The following NELL1 variants were observed in gnomAD, a reference collection of about 807,000 sequenced individuals.
NELL1 encodes protein kinase C-binding protein NELL1.
Under a neutral mutation model 107.4 loss-of-function variants are expected in NELL1, and 76 were observed. That is an observed-to-expected ratio of 0.71 (90% CI 0.59 to 0.86). The LOEUF is 0.86. Among genes scored for constraint, NELL1 ranks in the 40% least tolerant of loss-of-function variants. The probability of loss-of-function intolerance (pLI) is 0.00; values close to 1 mark genes in which losing one functional copy is unlikely to be tolerated. For synonymous variants in NELL1, 353 were observed against 341.2 expected, an observed-to-expected ratio of 1.03 and a Z score of -0.38; for missense variants, 1,024 against 1,005.5, an observed-to-expected ratio of 1.02 and a Z score of -0.25.
chr11:21,433,181 G>T (rs1853012079), intron 15 of NELL1, among the ~76,000 whole-genome samples: 1 of 151,998 alleles, frequency 6.6e-6, no homozygotes, highest in East Asian at 1.9e-4. Flanking sequence ...TATTCTCTAG[G>T]CTCATCCATA....
At chr11:21,386,720 A>G (rs144863040) in intron 15 of NELL1, among the ~76,000 whole-genome samples, 2 of 152,052 alleles carry the variant, frequency 1.3e-5, no homozygotes, top group East Asian at 3.9e-4. Context: ...GTCTCCAGCT[A>G]TGTGGAAATA....
intron 12 of NELL1, among the ~76,000 whole-genome samples, chr11:21,033,712 G>C (rs1382832099): frequency 6.6e-6 from 1 of 152,070 alleles, no homozygotes; most frequent in African/African-American, 2.4e-5. Context: ...ACACGTGCAT[G>C]TGTCTTTAAT....
chr11:21,147,508 A>G (rs139760312), intron 13 of NELL1, among the ~76,000 whole-genome samples: 1 of 152,232 alleles, frequency 6.6e-6, no homozygotes, highest in Non-Finnish European at 1.5e-5. Flanking sequence ...TGCTGTCATA[A>G]GTGGCTCTGC....
At chr11:20,912,309 T>C (rs1421375160) in intron 5 of NELL1, among the ~76,000 whole-genome samples, 5 of 152,092 alleles carry the variant, frequency 3.3e-5, no homozygotes, top group Non-Finnish European at 7.4e-5. Context: ...GAACACAAGC[T>C]GGGAATTTTT....
chr11:21,272,833 G>C (rs975006895), intron 14 of NELL1, among the ~76,000 whole-genome samples: 5 of 152,216 alleles, frequency 3.3e-5, no homozygotes, highest in African/African-American at 1.2e-4. Context: ...CAGACCTGCA[G>C]CTGAGGTTCC....
chr11:21,077,745 G>GAAA (rs11381496), intron 12 of NELL1, among the ~76,000 whole-genome samples: 3 of 137,608 alleles, frequency 2.2e-5, no homozygotes, highest in Admixed American at 7.3e-5. Context: ...TCTGTCTCAG[G>GAAA]AAAAAAAAAA....
intron 14 of NELL1, among the ~76,000 whole-genome samples, chr11:21,315,045 T>C (rs935919358): frequency 1.3e-5 from 2 of 152,012 alleles, no homozygotes; most frequent in Non-Finnish European, 2.9e-5. Context: ...TTAGTAGAGT[T>C]GGCGTGTCTC....
At chr11:20,692,235 G>A (rs1854486937) in intron 2 of NELL1, among the ~76,000 whole-genome samples, 2 of 151,336 alleles carry the variant, frequency 1.3e-5, no homozygotes, top group South Asian at 4.2e-4. Context: ...CAAAAAACCA[G>A]CTCCTGGATT....
In NELL1 at chr11:20,678,010, T is replaced by C. The variant is rs773928818; in HGVS notation, c.134T>C (p.Val45Ala). The change falls in exon 2 of 20, where the codon GTT becomes GCT. Residue 45 changes from valine to alanine, a missense_variant. By Grantham distance (64) the Val-to-Ala change is moderately conservative (BLOSUM62 0). Transcript: ENST00000357134. ...ELDLVNTTLG[V>A]AQVSGMHNAS... ...GACCTTGTGAACACCACCCTTGGAG[T>C]TGCTCAGGTGTCTGGAATGCACAAT... The C allele has an allele frequency of 3.7e-6, 6 of 1,614,050 alleles. No homozygotes were observed. The highest frequency in any genetic ancestry group is 1.1e-5 in the South Asian group (1 of 91,068).
chr11:21,326,893 G>T (rs1387715233), intron 14 of NELL1, among the ~76,000 whole-genome samples: 1 of 151,838 alleles, frequency 6.6e-6, no homozygotes, highest in South Asian at 2.1e-4. Context: ...AGTTGGATTG[G>T]ATTTATGCCT....
chr11:21,225,821 C>T (rs1857879002), intron 13 of NELL1, among the ~76,000 whole-genome samples: 1 of 152,200 alleles, frequency 6.6e-6, no homozygotes, highest in Non-Finnish European at 1.5e-5. Context: ...CCAGCTGTAA[C>T]ATGCTGTCAT....
intron 13 of NELL1, among the ~76,000 whole-genome samples, chr11:21,154,969 G>C (rs1281595419): frequency 6.6e-6 from 1 of 152,118 alleles, no homozygotes; most frequent in African/African-American, 2.4e-5. Flanking sequence ...GTTGGTCTAG[G>C]GTTTTTTGTG....
intron 3 of NELL1, among the ~76,000 whole-genome samples, chr11:20,806,203 T>A (rs1317717682): frequency 6.6e-6 from 1 of 151,658 alleles, no homozygotes; most frequent in East Asian, 1.9e-4. Flanking sequence ...ATGAAGTCCC[T>A]CAGTGTTTAT....
chr11:21,239,553 C>T (rs1188886583), intron 14 of NELL1, among the ~76,000 whole-genome samples: 1 of 152,026 alleles, frequency 6.6e-6, no homozygotes, highest in Non-Finnish European at 1.5e-5. Context: ...CCTGAAGCAG[C>T]ATGGAATACA....
At chr11:21,487,610 A>G (rs1271270392) in intron 15 of NELL1, among the ~76,000 whole-genome samples, 1 of 113,354 alleles carries the variant, frequency 8.8e-6, no homozygotes, top group Non-Finnish European at 1.8e-5. Flanking sequence ...ATAATAAGAT[A>G]AAAAGAAATG....
intron 12 of NELL1, among the ~76,000 whole-genome samples, chr11:20,976,527 TAAGAA>T (rs1345775238): frequency 2.0e-5 from 3 of 152,250 alleles, no homozygotes; most frequent in South Asian, 2.1e-4. Context: ...CCATTTTTCC[TAAGAA>T]GAGAGGGAAA....
intron 13 of NELL1, among the ~76,000 whole-genome samples, chr11:21,150,563 G>A (rs1856091896): frequency 1.3e-5 from 2 of 152,140 alleles, no homozygotes; most frequent in African/African-American, 2.4e-5. Context: ...CGCACTGGTT[G>A]GTTAATGCCG....
At chr11:21,108,460 A>C (rs1855023088) in intron 12 of NELL1, among the ~76,000 whole-genome samples, 1 of 152,164 alleles carries the variant, frequency 6.6e-6, no homozygotes, top group Non-Finnish European at 1.5e-5. Context: ...ATGTATTTTT[A>C]TTACCTCAAA....
At chr11:21,269,017 C>CT (rs757962787) in intron 14 of NELL1, among the ~76,000 whole-genome samples, 47 of 151,922 alleles carry the variant, frequency 3.1e-4, no homozygotes, top group South Asian at 1.0e-3. Context: ...TGAAAAATGC[C>CT]TTTTTTGTGC....
Sources: allele counts gnomAD v4.1 joint callset (sites outside exome capture counted in the v4.1 genomes callset), GRCh38; gene constraint gnomAD v4.1.1; transcripts MANE v1.5; gene names NCBI Gene and HGNC (gene_info 2026-07-23, HGNC 2026-07-21).